TTLL10: variants seen among roughly 807,000 people sequenced by gnomAD.
TTLL10 encodes tubulin tyrosine ligase like 10, also known as inactive polyglycylase TTLL10.
Under a neutral mutation model 69.0 loss-of-function variants are expected in TTLL10, and 61 were observed. The observed-to-expected ratio is 0.88, with a 90% CI of 0.72 to 1.09. The LOEUF is 1.09. Among genes scored for constraint, TTLL10 ranks in the 50% least tolerant of loss-of-function variants. The probability of loss-of-function intolerance (pLI) is 0.00; values close to 1 mark genes in which losing one functional copy is unlikely to be tolerated. For missense variants in TTLL10, 962 were observed against 945.9 expected, an observed-to-expected ratio of 1.02 and a Z score of -0.22; for synonymous variants, 408 against 393.3, an observed-to-expected ratio of 1.04 and a Z score of -0.44.
rs1330257408 is a variant in TTLL10 at position 1,181,763 on chromosome 1, C to A, written c.778C>A (p.Pro260Thr). ...QARLEKDAAA[P>T]ALEDLPWTSP... ...CAGGCTGGAAAAGGACGCAGCAGCG[C>A]CCGCCCTGGAGGACCTCCCGTGGAC... Residue 260 changes from proline to threonine, a missense_variant, in exon 9 of 16, where the codon CCC (proline) becomes ACC (threonine). Transcript: ENST00000379289. The surrounding 1 kb of genome is among the most constrained non-coding windows in gnomAD (Gnocchi z 4.6). 6.2e-7 allele frequency: 1 copy of A among 1,607,484 alleles called. No homozygotes were observed.
At position 1,181,934 on chromosome 1, in the gene TTLL10, G is replaced by A; in HGVS notation, c.830+119G>A. 2 of 969,876 alleles carry A rather than the reference G, an allele frequency of 2.1e-6. No individual in the cohort carries two copies. The highest frequency in any genetic ancestry group is 3.1e-6 in the Non-Finnish European group (2 of 638,900). The allele number at this position is 969,876 out of a possible 1,614,324, so 60.1% of individuals were successfully genotyped here. On this transcript the variant is annotated intron_variant, in intron 9 of 15. Transcript: ENST00000379289. This position sits in a 1 kb window ranked among gnomAD's most constrained non-coding sequence, Gnocchi z 4.6. ...ACACAAAGGAAAACCACGAGCTAGA[G>A]TCAGAGGTTCAGCCAGGCCAGGCCG...
rs1244814218 is a variant in TTLL10 at position 1,175,307 on chromosome 1, C to T, written c.-28+818C>T. 5 of 184,796 alleles carry T rather than the reference C, an allele frequency of 2.7e-5. No homozygotes were observed. In the East Asian group the frequency reaches 5.6e-4, roughly 21 times the overall value. 11.4% of individuals were successfully genotyped at this position (184,796 alleles called of 1,614,324 possible). A position where few individuals can be genotyped will look rare whatever the true frequency, so the allele number is the denominator to read the frequency against. On this transcript the variant is annotated intron_variant, in intron 3 of 15. Coordinates refer to ENST00000379289, the MANE Select transcript of TTLL10 (RefSeq NM_001130045.2). ...TCTTCTGCAGCAGAAGAGACGGAGGCAGTTTCCTGGGTGGGGGGGTGGGTG... is the reference window on the plus strand; with the variant it reads ...TCTTCTGCAGCAGAAGAGACGGAGGTAGTTTCCTGGGTGGGGGGGTGGGTG...
At chr1:1,196,312 T>A in intron 13 of TTLL10, 1 of 396,566 alleles carries the variant, frequency 2.5e-6, no homozygotes. Flanking sequence ...ATTTTACGTA[T>A]CCCATTTGCT....
intron 3 of TTLL10, chr1:1,175,149 A>G (rs917341961): frequency 2.5e-5 from 4 of 157,700 alleles, no homozygotes; most frequent in African/African-American, 9.6e-5. Flanking sequence ...TTTAATTTCA[A>G]TGACAAGAAA....
rs1646809676 is a variant in TTLL10 at position 1,173,981 on chromosome 1, C to T, written c.-131+55C>T. 1 of 152,420 alleles carries T rather than the reference C, an allele frequency of 6.6e-6. No homozygotes were observed. The highest frequency in any genetic ancestry group is 6.5e-5 in the Admixed American group (1 of 15,286). 9.4% of individuals were successfully genotyped at this position (152,420 alleles called of 1,614,324 possible). ...GTCCAGTGGGCTCGGCCCCGCCCTC[C>T]TACGCCCTGCCTGCGGGTCCCCTCG... is the stretch of plus-strand genomic sequence containing the variant. On this transcript the variant is annotated intron_variant, in intron 1 of 15. Coordinates refer to ENST00000379289, the MANE Select transcript of TTLL10 (RefSeq NM_001130045.2). This position sits in a 1 kb window ranked among gnomAD's most constrained non-coding sequence, Gnocchi z 4.1.
At chr1:1,193,533 G>A (rs888874946) in intron 13 of TTLL10, among the ~76,000 whole-genome samples, 29 of 150,678 alleles carry the variant, frequency 1.9e-4, no homozygotes, top group African/African-American at 6.1e-4. Context: ...GCGTGATCTC[G>A]GCTCACTGCA....
Position 1,184,002 on chromosome 1 carries a change from A to G in TTLL10, c.1171A>G (p.Met391Val), listed in dbSNP as rs1427641134. The part of the protein sequence containing the change: ...YLLIACTTPY[M>V]IFFGHGYARL... ...GCTCATTGCCTGCACCACACCCTAC[A>G]TGATCTTCTTTGGCCACGGCTATGC... The change falls in exon 12 of 16, where the codon ATG (methionine) becomes GTG (valine). Residue 391 changes from methionine (M) to valine (V), a missense_variant. Met to Val is a conservative substitution (Grantham distance 21). Transcript: ENST00000379289. The G allele has an allele frequency of 2.5e-6, 4 of 1,614,066 alleles. No individual in the cohort carries two copies. The highest frequency in any genetic ancestry group is 1.3e-5 in the African/African-American group (1 of 74,914).
intron 12 of TTLL10, 29 bp downstream of exon 12, chr1:1,184,120 C>T (rs757085091): frequency 2.5e-6 from 4 of 1,613,738 alleles, no homozygotes; most frequent in Non-Finnish European, 3.4e-6. Context: ...AGGGCCCTCC[C>T]TGCAGCCTTG....
At chr1:1,176,378 C>T (rs576415776) in intron 3 of TTLL10, 8 of 455,624 alleles carry the variant, frequency 1.8e-5, no homozygotes, top group African/African-American at 6.0e-5. Flanking sequence ...GAGAGGCTGA[C>T]GCTGTACAGC....
At chr1:1,178,894 C>T (rs1405123033) in intron 3 of TTLL10, among the ~76,000 whole-genome samples, 1 of 152,182 alleles carries the variant, frequency 6.6e-6, no homozygotes, top group Non-Finnish European at 1.5e-5. Context: ...CTGACGCTGC[C>T]CCTCCTTCCA....
intron 3 of TTLL10, among the ~76,000 whole-genome samples, chr1:1,178,137 C>T (rs1417446548): frequency 1.3e-5 from 2 of 152,140 alleles, no homozygotes; most frequent in Admixed American, 6.5e-5. Flanking sequence ...AGATTGGTGC[C>T]GAGCTCTGTG....
rs930504944 is a variant in TTLL10, at chr1:1,183,022, G to C, written c.1063G>C (p.Gly355Arg). 3.7e-6 allele frequency: 6 copies of C among 1,608,934 alleles called. No homozygotes were observed. Among genetic ancestry groups the C allele is most frequent in the Non-Finnish European group, 5.1e-6 (6 of 1,178,180 alleles). The change falls in exon 11 of 16, where the codon GGG becomes CGG. Residue 355 changes from glycine to arginine, a missense_variant. Physicochemically the swap from Gly to Arg is moderately radical, Grantham distance 125. Coordinates refer to ENST00000379289, the MANE Select transcript of TTLL10 (RefSeq NM_001130045.2). The part of the protein sequence containing the change: ...DPIHHKTPFR[G>R]PQARVVQRYI... ...CATCCACCACAAGACGCCGTTCCGGGGGCCTCAGGCGCGGGTGGTGCAGAG... is the reference window on the plus strand; with the variant it reads ...CATCCACCACAAGACGCCGTTCCGGCGGCCTCAGGCGCGGGTGGTGCAGAG...
At position 1,180,122 on chromosome 1, in the gene TTLL10, CT is replaced by C; in HGVS notation, c.289del (p.Cys97ValfsTer21). 1 of 1,611,576 alleles carries C rather than the reference CT, an allele frequency of 6.2e-7. No individual in the cohort carries two copies. Among genetic ancestry groups the C allele is most frequent in the Non-Finnish European group, 8.5e-7 (1 of 1,179,464 alleles). ...AGCCAGACCACGACGCAGATGGACA[CT>C]GTGGGCCGGACCTGGAGGGGGCAGA... ...SQPDHDADGH[C>X]GPDLEGAERA... On this transcript the variant is annotated frameshift_variant, in exon 6 of 16. Coordinates refer to ENST00000379289, the MANE Select transcript of TTLL10 (RefSeq NM_001130045.2). LOFTEE classifies it high-confidence loss of function.
intron 13 of TTLL10, among the ~76,000 whole-genome samples, chr1:1,186,850 G>GTTT (rs35158481): frequency 1.4e-5 from 2 of 140,296 alleles, no homozygotes; most frequent in African/African-American, 5.3e-5. Flanking sequence ...TTTGTTTTTT[G>GTTT]TTTTTTTTTT....
Position 1,197,708 on chromosome 1 carries a change from A to G in TTLL10, c.1883A>G (p.Asp628Gly). 1 of 1,524,772 alleles carries G rather than the reference A, an allele frequency of 6.6e-7. No homozygotes were observed. Among genetic ancestry groups the G allele is most frequent in the East Asian group, 2.6e-5 (1 of 38,910 alleles). The allele number at this position is 1,524,772 out of a possible 1,614,324, so 94.5% of individuals were successfully genotyped here. ...VPQRPRPPGP[D>G]LDSAHDGEPQ... ...CAGCGTCCCCGGCCACCCGGCCCCG[A>G]CCTGGACAGCGCCCACGATGGGGAG... Residue 628 changes from aspartate to glycine, a missense_variant, in exon 16 of 16, where the codon GAC (aspartate) becomes GGC (glycine). Asp to Gly is a moderately conservative substitution (Grantham distance 94, BLOSUM62 -1). Transcript: ENST00000379289.
chr1:1,183,879 C>T (rs767397001), intron 11 of TTLL10, 41 bp from the exon 12 acceptor site: 2 of 1,610,882 alleles, frequency 1.2e-6, no homozygotes. Flanking sequence ...GCCAGGCTGG[C>T]CCCGTGGCTC....
In TTLL10 at chr1:1,197,042, G is replaced by A. The variant is rs372452869; in HGVS notation, c.1519-51G>A. ...ATGAGGACCAGGGCCTCTGCCTCCT[G>A]CTGGCCCAGTGGGCTCGGGGTGAGG... On this transcript the variant is annotated intron_variant, in intron 14 of 15. Transcript: ENST00000379289. 2.6e-6 allele frequency: 4 copies of A among 1,513,074 alleles called. No homozygotes were observed. In the South Asian group the frequency reaches 4.8e-5, roughly 18 times the overall value. 93.7% of individuals were successfully genotyped at this position (1,513,074 alleles called of 1,614,324 possible).
chr1:1,174,485 AC>A lies in TTLL10; in HGVS notation c.-30del, dbSNP rs1340958424. On this transcript the variant is annotated 5_prime_UTR_variant, in exon 3 of 16. Coordinates refer to ENST00000379289, the MANE Select transcript of TTLL10 (RefSeq NM_001130045.2). The stretch of plus-strand genomic sequence containing the variant: ...CGTCTCCTGCCGGTCTTTTCATCTC[AC>A]CAGGTAAAACGCTTATTTTACAATT... 6.6e-6 allele frequency: 1 copy of A among 152,276 alleles called. No individual in the cohort carries two copies. Among genetic ancestry groups the A allele is most frequent in the Non-Finnish European group, 1.5e-5 (1 of 68,020 alleles). 9.4% of individuals were successfully genotyped at this position (152,276 alleles called of 1,614,324 possible).
In TTLL10 at chr1:1,184,079, C is replaced by T. The variant is rs1299866341; in HGVS notation, c.1248C>T (p.His416=). Residue 416 remains histidine, a synonymous_variant, in exon 12 of 16, where the codon CAC becomes CAT. Coordinates refer to ENST00000379289, the MANE Select transcript of TTLL10 (RefSeq NM_001130045.2). The part of the protein sequence containing the change: ...YDPHSSDLGG[H]LTNQFMQKKS... The stretch of plus-strand genomic sequence containing the variant: ...CCCATTCCAGCGACCTCGGCGGCCA[C>T]TTGACCAACCAGGTGAGTCTGCCAT... 1 of 1,614,212 alleles carries T rather than the reference C, an allele frequency of 6.2e-7. No homozygotes were observed. The highest frequency in any genetic ancestry group is 1.7e-5 in the Admixed American group (1 of 60,026).
Sources: allele counts gnomAD v4.1 joint callset (sites outside exome capture counted in the v4.1 genomes callset), GRCh38; gene constraint gnomAD v4.1.1; non-coding constraint Gnocchi (gnomAD v3.1); transcripts MANE v1.5; gene names NCBI Gene and HGNC (gene_info 2026-07-23, HGNC 2026-07-21).